The following NRXN3 variants were observed in gnomAD, a reference collection of about 807,000 sequenced individuals.
NRXN3 encodes the protein neurexin III.
NRXN3 carries 32 observed loss-of-function variants against 137.6 expected under a neutral mutation model. The ratio of observed to expected loss-of-function variants is 0.23; its 90% CI spans 0.18 to 0.31. The LOEUF is 0.31. NRXN3 is among the 10% of genes least tolerant of loss of function. The pLI is 1.00. For synonymous variants in NRXN3, 798 were observed against 784.5 expected, an observed-to-expected ratio of 1.02 and a Z score of -0.29; for missense variants, 1,574 against 2,062.5, an observed-to-expected ratio of 0.76 and a Z score of 4.59.
intron 15 of NRXN3, among the ~76,000 whole-genome samples, chr14:79,416,520 T>C (rs967886472): frequency 1.3e-5 from 2 of 152,150 alleles, no homozygotes; most frequent in African/African-American, 4.8e-5. Context: ...AGATGACATT[T>C]TCCTGAGAAT....
chr14:78,945,365 T>C (rs1351292348), intron 10 of NRXN3, among the ~76,000 whole-genome samples: 1 of 152,222 alleles, frequency 6.6e-6, no homozygotes, highest in Non-Finnish European at 1.5e-5. Flanking sequence ...TCTCTGCTTT[T>C]ATTCATTTTC....
intron 4 of NRXN3, among the ~76,000 whole-genome samples, chr14:78,483,428 G>T (rs1204005892): frequency 6.6e-6 from 1 of 152,176 alleles, no homozygotes; most frequent in Non-Finnish European, 1.5e-5. Flanking sequence ...GAAAGGAGAG[G>T]CTAGAGCTTT....
At chr14:78,701,333 A>G (rs777893497) in intron 6 of NRXN3, among the ~76,000 whole-genome samples, 3 of 152,208 alleles carry the variant, frequency 2.0e-5, no homozygotes, top group African/African-American at 7.2e-5. Context: ...GTTAAAGCCT[A>G]CGCTTAACTT....
chr14:78,832,174 T>C (rs1449100656), intron 10 of NRXN3, among the ~76,000 whole-genome samples: 2 of 152,010 alleles, frequency 1.3e-5, no homozygotes, highest in African/African-American at 4.8e-5. Context: ...CTTTGTCTCT[T>C]GAATCAAAAA....
intron 1 of NRXN3, among the ~76,000 whole-genome samples, chr14:78,220,273 T>C (rs2063709754): frequency 6.6e-6 from 1 of 151,748 alleles, no homozygotes; most frequent in Admixed American, 6.6e-5. Flanking sequence ...GAGATGGAGC[T>C]CCAGGGACCC....
chr14:79,854,484 A>C (rs1211176265), intron 20 of NRXN3, among the ~76,000 whole-genome samples: 2 of 151,930 alleles, frequency 1.3e-5, no homozygotes, highest in African/African-American at 4.8e-5. Context: ...CTGAATTTTC[A>C]CTGTTATGTT....
intron 19 of NRXN3, among the ~76,000 whole-genome samples, chr14:79,720,995 C>T (rs1040081610): frequency 1.3e-5 from 2 of 152,050 alleles, no homozygotes; most frequent in East Asian, 3.9e-4. Context: ...GTGAGTTTTG[C>T]TCTGCATCAG....
intron 1 of NRXN3, among the ~76,000 whole-genome samples, chr14:78,200,965 G>T (rs1190510168): frequency 6.6e-6 from 1 of 152,142 alleles, no homozygotes; most frequent in African/African-American, 2.4e-5. Flanking sequence ...TGGTTCCAGG[G>T]CTCAGCTTCT....
At chr14:78,698,973 C>T (rs1201978472) in intron 6 of NRXN3, among the ~76,000 whole-genome samples, 1 of 151,980 alleles carries the variant, frequency 6.6e-6, no homozygotes. Flanking sequence ...GGAAGTAGCC[C>T]TTGTGATTTT....
At chr14:79,314,177 C>T (rs1376514631) in intron 15 of NRXN3, 1 of 146,256 alleles carries the variant, frequency 6.8e-6, no homozygotes, top group African/African-American at 2.5e-5. Flanking sequence ...CTAGGGAGTG[C>T]CAGACAGTGG....
intron 4 of NRXN3, among the ~76,000 whole-genome samples, chr14:78,525,825 T>G (rs888561988): frequency 6.6e-6 from 1 of 152,214 alleles, no homozygotes; most frequent in Admixed American, 6.5e-5. Flanking sequence ...TTGCTCCTCA[T>G]TAGCAGTGTG....
At chr14:79,674,719 A>G (rs991433947) in intron 17 of NRXN3, among the ~76,000 whole-genome samples, 1 of 152,128 alleles carries the variant, frequency 6.6e-6, no homozygotes, top group African/African-American at 2.4e-5. Context: ...TGCATGCAGA[A>G]CACTGTAATC....
chr14:79,026,890 G>A (rs1328919942), intron 15 of NRXN3, among the ~76,000 whole-genome samples: 1 of 149,110 alleles, frequency 6.7e-6, no homozygotes, highest in Non-Finnish European at 1.5e-5. Context: ...AGAGGCACAT[G>A]TGCCAGAATC....
intron 16 of NRXN3, among the ~76,000 whole-genome samples, chr14:79,471,950 C>T (rs1007602445): frequency 2.6e-5 from 4 of 152,086 alleles, no homozygotes; most frequent in African/African-American, 9.7e-5. Flanking sequence ...AGGTATTAAG[C>T]TTAATATCCA....
intron 15 of NRXN3, among the ~76,000 whole-genome samples, chr14:79,046,770 A>G (rs1422939006): frequency 1.3e-5 from 2 of 152,222 alleles, no homozygotes; most frequent in Non-Finnish European, 2.9e-5. Context: ...TACATGAGAT[A>G]AAACAGCCTA....
chr14:78,819,196 T>C (rs1303248209), intron 10 of NRXN3, among the ~76,000 whole-genome samples: 1 of 152,162 alleles, frequency 6.6e-6, no homozygotes, highest in African/African-American at 2.4e-5. Context: ...CTTTCCAAGA[T>C]TTCTTTATGT....
At chr14:78,201,443 C>T (rs1473075415) in intron 1 of NRXN3, among the ~76,000 whole-genome samples, 2 of 152,146 alleles carry the variant, frequency 1.3e-5, no homozygotes, top group Admixed American at 6.5e-5. Flanking sequence ...GTCCAGATCT[C>T]GAGCTGGTGC....
At chr14:79,635,174 A>G (rs1364732088) in intron 16 of NRXN3, among the ~76,000 whole-genome samples, 1 of 152,236 alleles carries the variant, frequency 6.6e-6, no homozygotes, top group Non-Finnish European at 1.5e-5. Context: ...TGGAAACATC[A>G]CATTGTACCC....
chr14:78,897,602 G>A (rs1410780824), intron 10 of NRXN3, among the ~76,000 whole-genome samples: 3 of 151,824 alleles, frequency 2.0e-5, no homozygotes, highest in Non-Finnish European at 4.4e-5. Context: ...TCTGGCCATG[G>A]CACTTCTCAA....
Sources: gnomAD v4.1 joint callset for allele counts (sites outside exome capture counted in the v4.1 genomes callset) on GRCh38, gnomAD v4.1.1 for gene constraint, MANE v1.5 for transcripts, NCBI Gene and HGNC (gene_info 2026-07-23, HGNC 2026-07-21) for gene names.